EPB41L4B: variants seen among roughly 807,000 people sequenced by gnomAD.
EPB41L4B encodes the protein erythrocyte membrane protein band 4.1 like 4B.
Under a neutral mutation model 112.5 loss-of-function variants are expected in EPB41L4B, and 30 were observed. The ratio of observed to expected loss-of-function variants is 0.27; its 90% CI spans 0.20 to 0.36. The LOEUF (loss-of-function observed/expected upper bound fraction) is 0.36, where lower values mean the gene tolerates loss of function less well. Among genes scored for constraint, EPB41L4B ranks in the 10% least tolerant of loss-of-function variants. The pLI is 1.00. For missense variants in EPB41L4B, 1,024 were observed against 1,133.3 expected (o/e 0.90, Z 1.38); for synonymous variants, 408 against 439.7 (o/e 0.93, Z 0.90).
At chr9:109,256,548 G>A in intron 7 of EPB41L4B, 68 bp from the exon 8 acceptor site, 1 of 1,340,648 alleles carries the variant, frequency 7.5e-7, no homozygotes, top group South Asian at 1.2e-5. Context: ...GAAGGGCACG[G>A]CCTTACTATG....
In EPB41L4B at chr9:109,293,848, T is replaced by C. The variant is rs368190784; in HGVS notation, c.307-13927A>G. Among the ~76,000 whole-genome samples, 24 of 152,086 alleles carry C rather than the reference T, an allele frequency of 1.6e-4. 1 individual carries two copies. The highest frequency in any genetic ancestry group is 3.4e-3 in the Middle Eastern group (1 of 294). ...CCATATTAGAACTCAATAAACCACA[T>C]TGAAAAGAGGAGAAGGGGATGTACA... On this transcript the variant is annotated intron_variant, in intron 1 of 25. Coordinates refer to ENST00000374566, the MANE Select transcript of EPB41L4B (RefSeq NM_019114.5).
At chr9:109,317,908 A>G (rs1837692158) in intron 1 of EPB41L4B, among the ~76,000 whole-genome samples, 1 of 152,260 alleles carries the variant, frequency 6.6e-6, no homozygotes, top group South Asian at 2.1e-4. Context: ...AGCAAATGCT[A>G]CAAATGCATT....
intron 1 of EPB41L4B, among the ~76,000 whole-genome samples, chr9:109,280,883 T>G (rs1291028364): frequency 6.6e-6 from 1 of 151,690 alleles, no homozygotes; most frequent in Non-Finnish European, 1.5e-5. Context: ...AGGGAAAGAA[T>G]CCAGCACTGA....
At chr9:109,308,219 G>T (rs1468185775) in intron 1 of EPB41L4B, among the ~76,000 whole-genome samples, 1 of 152,038 alleles carries the variant, frequency 6.6e-6, no homozygotes, top group Non-Finnish European at 1.5e-5. Context: ...GTGAGCTAGA[G>T]GGAGGAAGAA....
At chr9:109,300,353 G>A (rs1438679260) in intron 1 of EPB41L4B, 7 of 152,124 alleles carry the variant, frequency 4.6e-5, no homozygotes, top group Admixed American at 3.3e-4. Context: ...TCAATTAAAC[G>A]CAGCTCCAAA....
chr9:109,274,311 A>G (rs1835734151), intron 2 of EPB41L4B, among the ~76,000 whole-genome samples: 2 of 152,102 alleles, frequency 1.3e-5, no homozygotes, highest in African/African-American at 4.8e-5. Flanking sequence ...TGGGGCTGTT[A>G]CTACCACTGC....
At chr9:109,251,294 C>T (rs146864790) in intron 13 of EPB41L4B, among the ~76,000 whole-genome samples, 187 bp downstream of exon 13, 1 of 152,284 alleles carries the variant, frequency 6.6e-6, no homozygotes, top group African/African-American at 2.4e-5. Flanking sequence ...ACCAAACTGT[C>T]TTGGAACATT....
intron 16 of EPB41L4B, among the ~76,000 whole-genome samples, chr9:109,216,570 G>C (rs183845400): frequency 1.3e-5 from 2 of 151,710 alleles, no homozygotes; most frequent in African/African-American, 2.4e-5. Flanking sequence ...GGACCTGGGA[G>C]GGGGAGGGTG....
intron 15 of EPB41L4B, among the ~76,000 whole-genome samples, chr9:109,238,314 A>G (rs1047707027): frequency 2.0e-5 from 3 of 152,174 alleles, no homozygotes; most frequent in African/African-American, 7.2e-5. Flanking sequence ...CAGCTGACAC[A>G]CTGAGTAATA....
rs186778892 is a variant in EPB41L4B at position 109,305,512 on chromosome 9, G to A, written c.306+14629C>T. On this transcript the variant is annotated intron_variant, in intron 1 of 25. Coordinates refer to ENST00000374566, the MANE Select transcript of EPB41L4B (RefSeq NM_019114.5). ...GGGTGCCTGTAATCCCAACTACTCG[G>A]GAGGCTGAGGCAGGAGAATCACTTG... Among the ~76,000 whole-genome samples, 4 of 152,102 alleles carry A rather than the reference G, an allele frequency of 2.6e-5. No homozygotes were observed. In the East Asian group the frequency reaches 7.8e-4, roughly 29 times the overall value.
chr9:109,214,545 G>A (rs12236419), intron 16 of EPB41L4B, among the ~76,000 whole-genome samples: 7,878 of 152,236 alleles, frequency 0.052, 457 homozygotes, highest in African/African-American at 0.14. Context: ...GAGGATGGGT[G>A]TTAGAGAACA....
intron 22 of EPB41L4B, among the ~76,000 whole-genome samples, chr9:109,189,621 T>C (rs1335421379): frequency 1.3e-5 from 2 of 152,158 alleles, no homozygotes; most frequent in African/African-American, 2.4e-5. Context: ...TAGTTCTTTT[T>C]CTTTTTATTT....
At chr9:109,207,868 T>C in intron 18 of EPB41L4B, 56 bp downstream of exon 18, 3 of 1,607,532 alleles carry the variant, frequency 1.9e-6, no homozygotes, top group South Asian at 1.1e-5. Flanking sequence ...TTCTTCTCTG[T>C]GGCATCGAGG....
chr9:109,309,076 T>A (rs1016043725), intron 1 of EPB41L4B, among the ~76,000 whole-genome samples: 14 of 146,968 alleles, frequency 9.5e-5, no homozygotes, highest in South Asian at 2.2e-4. Context: ...TTCCGTCTTT[T>A]AAAAAAAAAA....
chr9:109,230,368 T>C (rs146720583), intron 15 of EPB41L4B, among the ~76,000 whole-genome samples: 23 of 152,302 alleles, frequency 1.5e-4, no homozygotes, highest in African/African-American at 5.5e-4. Context: ...GAACATGCAT[T>C]GGTACTTAGC....
At chr9:109,241,047 A>G (rs1265303333) in intron 15 of EPB41L4B, 6 of 985,136 alleles carry the variant, frequency 6.1e-6, no homozygotes, top group Non-Finnish European at 7.2e-6. Context: ...TAGCTTCTGA[A>G]AGGAGTAACT....
At chr9:109,275,719 C>G (rs1210281536) in intron 2 of EPB41L4B, among the ~76,000 whole-genome samples, 7 of 152,302 alleles carry the variant, frequency 4.6e-5, no homozygotes, top group Non-Finnish European at 7.3e-5. Context: ...TGTTATTACA[C>G]TACCTCCACT....
chr9:109,261,948 A>G (rs891368500), intron 6 of EPB41L4B, among the ~76,000 whole-genome samples: 2 of 152,230 alleles, frequency 1.3e-5, no homozygotes, highest in African/African-American at 4.8e-5. Flanking sequence ...GAAGCTGATG[A>G]ACATGCTGGC....
chr9:109,286,858 G>A (rs1031923859), intron 1 of EPB41L4B, among the ~76,000 whole-genome samples: 1 of 152,172 alleles, frequency 6.6e-6, no homozygotes, highest in Non-Finnish European at 1.5e-5. Context: ...TGGGATCCCC[G>A]TTCTGAAATG....
Sources: gnomAD v4.1 joint callset for allele counts (sites outside exome capture counted in the v4.1 genomes callset) on GRCh38, gnomAD v4.1.1 for gene constraint, MANE v1.5 for transcripts, NCBI Gene and HGNC (gene_info 2026-07-23, HGNC 2026-07-21) for gene names.